SCD5: variants seen among roughly 807,000 people sequenced by gnomAD.
SCD5 encodes the protein stearoyl-CoA desaturase 5.
A neutral mutation model predicts 30.4 loss-of-function variants in SCD5; 20 were observed. That is an observed-to-expected ratio of 0.66 (90% CI 0.46 to 0.96). The LOEUF (loss-of-function observed/expected upper bound fraction) is 0.96, where lower values mean the gene tolerates loss of function less well. Ranked by LOEUF, SCD5 falls within the 40% of genes least tolerant of loss-of-function variation. The pLI is 0.00. For missense variants in SCD5, 381 were observed against 443.3 expected, an observed-to-expected ratio of 0.86 and a Z score of 1.26; for synonymous variants, 173 against 176.4, an observed-to-expected ratio of 0.98 and a Z score of 0.16.
chr4:82,726,642 CA>C (rs1192411646), intron 1 of SCD5, among the ~76,000 whole-genome samples: 6 of 151,352 alleles, frequency 4.0e-5, no homozygotes, highest in Admixed American at 1.3e-4. Context: ...GACTGATATA[CA>C]ATTTTCATAA....
chr4:82,765,380 T>TGTCTATA (rs1721464621), intron 1 of SCD5, among the ~76,000 whole-genome samples: 1 of 152,186 alleles, frequency 6.6e-6, no homozygotes, highest in Non-Finnish European at 1.5e-5. Context: ...TTTTTTCCTC[T>TGTCTATA]GTCTATAGTA....
At chr4:82,643,924 G>A (rs1003012907) in intron 3 of SCD5, among the ~76,000 whole-genome samples, 16 of 152,208 alleles carry the variant, frequency 1.1e-4, no homozygotes, top group Non-Finnish European at 1.8e-4. Flanking sequence ...GAGCTCCTTG[G>A]ATAAGCTGTT....
intron 1 of SCD5, among the ~76,000 whole-genome samples, chr4:82,708,479 C>G (rs913596661): frequency 2.6e-5 from 4 of 152,142 alleles, no homozygotes; most frequent in Admixed American, 2.0e-4. Context: ...CAAGAAGAGC[C>G]TCTGTTTGAC....
At chr4:82,743,039 T>A (rs1178732232) in intron 1 of SCD5, among the ~76,000 whole-genome samples, 1 of 152,168 alleles carries the variant, frequency 6.6e-6, no homozygotes, top group Non-Finnish European at 1.5e-5. Context: ...GGCTCCCACC[T>A]AGCCCCCAGC....
At chr4:82,760,073 T>A (rs933861261) in intron 1 of SCD5, among the ~76,000 whole-genome samples, 2 of 152,150 alleles carry the variant, frequency 1.3e-5, no homozygotes, top group Admixed American at 1.3e-4. Flanking sequence ...TCTCCCTGTC[T>A]CTAGTGCCTA....
At chr4:82,760,696 C>G (rs1010007798) in intron 1 of SCD5, among the ~76,000 whole-genome samples, 1 of 152,182 alleles carries the variant, frequency 6.6e-6, no homozygotes, top group Non-Finnish European at 1.5e-5. Flanking sequence ...AGCCTGATCC[C>G]CATTAGAACC....
chr4:82,790,843 T>C (rs906801542), intron 1 of SCD5, among the ~76,000 whole-genome samples: 1 of 152,108 alleles, frequency 6.6e-6, no homozygotes, highest in Admixed American at 6.5e-5. Context: ...GACATTCCAA[T>C]TCATCAGGCC....
At chr4:82,758,840 C>CA (rs775031556) in intron 1 of SCD5, among the ~76,000 whole-genome samples, 17 of 152,198 alleles carry the variant, frequency 1.1e-4, no homozygotes, top group Non-Finnish European at 2.1e-4. Flanking sequence ...CAGCACACGA[C>CA]ACAAAGGGTC....
intron 1 of SCD5, among the ~76,000 whole-genome samples, chr4:82,731,027 C>A (rs1247629293): frequency 6.6e-6 from 1 of 152,176 alleles, no homozygotes; most frequent in African/African-American, 2.4e-5. Context: ...CCAGACCCAT[C>A]AACAACCATT....
At chr4:82,708,686 A>C (rs995444495) in intron 1 of SCD5, among the ~76,000 whole-genome samples, 6 of 152,194 alleles carry the variant, frequency 3.9e-5, no homozygotes, top group Non-Finnish European at 7.3e-5. Flanking sequence ...CATTGTTTTG[A>C]TAATGACTGT....
intron 2 of SCD5, among the ~76,000 whole-genome samples, chr4:82,704,074 A>C (rs1311505306): frequency 3.3e-5 from 5 of 152,206 alleles, no homozygotes; most frequent in African/African-American, 4.8e-5. Flanking sequence ...ACACACCACC[A>C]ATTGTGTTTC....
chr4:82,728,204 T>G (rs1720547929), intron 1 of SCD5, among the ~76,000 whole-genome samples: 1 of 152,240 alleles, frequency 6.6e-6, no homozygotes, highest in African/African-American at 2.4e-5. Context: ...GTTATGACAG[T>G]AAGAGAATTC....
At chr4:82,669,107 A>G (rs1302364985) in intron 3 of SCD5, among the ~76,000 whole-genome samples, 2 of 152,180 alleles carry the variant, frequency 1.3e-5, no homozygotes, top group Non-Finnish European at 1.5e-5. Flanking sequence ...GTCAAGGGAG[A>G]TGGAGTCAGG....
At chr4:82,686,085 A>C (rs1226802775) in intron 2 of SCD5, among the ~76,000 whole-genome samples, 1 of 151,780 alleles carries the variant, frequency 6.6e-6, no homozygotes, top group African/African-American at 2.4e-5. Context: ...GGCTCACTAC[A>C]GCCTCAACTA....
rs1728395109 is a variant in SCD5 at position 82,674,565 on chromosome 4, TG to T, written c.569+6141del. 4.6e-5 allele frequency among the ~76,000 whole-genome samples: 7 copies of T among 152,346 alleles called. No individual in the cohort carries two copies. In the South Asian group the frequency reaches 1.5e-3, roughly 32 times the overall value. On this transcript the variant is annotated intron_variant, in intron 3 of 4. Transcript: ENST00000319540. ...CAGCCACTTTGGAAGACAGTTTGGC[TG>T]TTTCTTACAAAACTAAAAATATTGT...
chr4:82,631,368 T>A lies in SCD5; in HGVS notation c.952A>T (p.Ile318Phe), dbSNP rs1727287980. ...TDRKRATKPMIEARKARTGDS... is the reference protein window; with the variant it reads ...TDRKRATKPMFEARKARTGDS... Reference sequence around the variant, plus strand: ...CCAGTCCTGGCCTTCCGGGCCTCGATCATCGGCTTGGTTGCCCGTTTGCGG... The same window carrying A: ...CCAGTCCTGGCCTTCCGGGCCTCGAACATCGGCTTGGTTGCCCGTTTGCGG... The change falls in exon 5 of 5, where the codon ATC (isoleucine) becomes TTC (phenylalanine). Residue 318 changes from isoleucine (I) to phenylalanine (F), a missense_variant. Ile to Phe is a conservative substitution (Grantham distance 21). Transcript: ENST00000319540. 1.2e-6 allele frequency: 2 copies of A among 1,614,040 alleles called. No individual in the cohort carries two copies. The highest frequency in any genetic ancestry group is 1.7e-6 in the Non-Finnish European group (2 of 1,180,028).
intron 1 of SCD5, among the ~76,000 whole-genome samples, chr4:82,771,235 T>C (rs1721614239): frequency 1.3e-5 from 2 of 152,098 alleles, no homozygotes; most frequent in South Asian, 2.1e-4. Context: ...TCCTAAAGTG[T>C]TGGGATTACA....
At chr4:82,685,738 A>C (rs745426114) in intron 2 of SCD5, among the ~76,000 whole-genome samples, 6 of 151,992 alleles carry the variant, frequency 3.9e-5, no homozygotes, top group East Asian at 3.9e-4. Context: ...AAAAAAAAAA[A>C]CTAAAAACAA....
intron 1 of SCD5, among the ~76,000 whole-genome samples, chr4:82,797,372 A>C (rs571220228): frequency 2.0e-5 from 3 of 152,198 alleles, no homozygotes; most frequent in African/African-American, 7.2e-5. Context: ...TCAGTAAAGG[A>C]GGCCAAAACC....
Sources: allele counts gnomAD v4.1 joint callset (sites outside exome capture counted in the v4.1 genomes callset), GRCh38; gene constraint gnomAD v4.1.1; transcripts MANE v1.5; gene names NCBI Gene and HGNC (gene_info 2026-07-23, HGNC 2026-07-21).